Variants in TBC1D5 observed in about 807,000 individuals in gnomAD.
TBC1D5 encodes the protein TBC1 domain family member 5, also known as TBC1 domain family, member 5.
Under a neutral mutation model 100.3 loss-of-function variants are expected in TBC1D5, and 75 were observed. That is an observed-to-expected ratio of 0.75 (90% CI 0.62 to 0.91). The LOEUF (loss-of-function observed/expected upper bound fraction) is 0.91, where lower values mean the gene tolerates loss of function less well. TBC1D5 is among the 40% of genes least tolerant of loss of function. The pLI is 0.00. For missense variants in TBC1D5, 910 were observed against 942.4 expected, an observed-to-expected ratio of 0.97 and a Z score of 0.45; for synonymous variants, 323 against 325.6, an observed-to-expected ratio of 0.99 and a Z score of 0.09.
chr3:17,330,823 C>T, intron 13 of TBC1D5, among the ~76,000 whole-genome samples: 1 of 152,236 alleles, frequency 6.6e-6, no homozygotes, highest in South Asian at 2.1e-4. Context: ...ATCATTTTAT[C>T]CTCCAAATCT....
At chr3:17,376,500 A>G in intron 10 of TBC1D5, 25 bp downstream of exon 10, 1 of 1,576,254 alleles carries the variant, frequency 6.3e-7, no homozygotes, top group East Asian at 2.2e-5. Flanking sequence ...AAACAAATGG[A>G]GCTCATATTA....
intron 13 of TBC1D5, among the ~76,000 whole-genome samples, chr3:17,318,104 A>G (rs2084922692): frequency 6.6e-6 from 1 of 151,988 alleles, no homozygotes; most frequent in Non-Finnish European, 1.5e-5. Context: ...GGAAATCATC[A>G]TTCTCAGTAA....
intron 2 of TBC1D5, among the ~76,000 whole-genome samples, chr3:17,518,509 C>A (rs2096019973): frequency 6.6e-6 from 1 of 152,228 alleles, no homozygotes; most frequent in South Asian, 2.1e-4. Context: ...TACCTACCCA[C>A]CCCATCTCCT....
At chr3:17,470,703 T>C (rs1319372606) in intron 3 of TBC1D5, among the ~76,000 whole-genome samples, 1 of 152,022 alleles carries the variant, frequency 6.6e-6, no homozygotes, top group Non-Finnish European at 1.5e-5. Flanking sequence ...GGGTGAATCA[T>C]GAGGTCAAGA....
At chr3:17,160,884 C>A in exon 22 of TBC1D5, 1 of 1,506,840 alleles carries the variant, frequency 6.6e-7, no homozygotes, top group South Asian at 1.3e-5. Context: ...AGAAGGTTCT[C>A]CACTGGATGA....
intron 2 of TBC1D5, among the ~76,000 whole-genome samples, chr3:17,602,561 AT>A (rs33956978): frequency 0.022 from 1,636 of 74,416 alleles, 3 homozygotes; most frequent in African/African-American, 0.059. Context: ...AGAGAATCAG[AT>A]TTTTTTTTTT....
chr3:17,170,964 C>T (rs534508567), intron 19 of TBC1D5, among the ~76,000 whole-genome samples: 22 of 152,278 alleles, frequency 1.4e-4, no homozygotes, highest in African/African-American at 4.6e-4. Context: ...AGCACAATTT[C>T]GGCACACGTG....
chr3:17,196,193 A>G (rs2070665163), intron 18 of TBC1D5, among the ~76,000 whole-genome samples: 2 of 152,248 alleles, frequency 1.3e-5, no homozygotes. Context: ...TTTGCAGATT[A>G]CGTAGGACAC....
In TBC1D5 at chr3:17,233,728, A is replaced by G. The variant is rs996890392; in HGVS notation, c.1588+4435T>C. On this transcript the variant is annotated intron_variant, in intron 17 of 21. Transcript: ENST00000253692. ...TCTGGACAGGAACAGAAACCTGAGC[A>G]TCGCTTCCTGTAACTACATCGCCTG... is the stretch of plus-strand genomic sequence containing the variant. The G allele has an allele frequency of 1.9e-6, 3 of 1,546,192 alleles. No individual in the cohort carries two copies. The East Asian group carries it at 7.4e-5, about 38-fold the overall frequency.
chr3:17,593,524 T>C (rs539162426), intron 2 of TBC1D5, among the ~76,000 whole-genome samples: 4 of 152,292 alleles, frequency 2.6e-5, no homozygotes, highest in African/African-American at 7.2e-5. Flanking sequence ...TGTTCCACGA[T>C]GGAAAGGGCA....
chr3:17,609,172 C>T (rs2061517581), intron 2 of TBC1D5, among the ~76,000 whole-genome samples: 1 of 152,150 alleles, frequency 6.6e-6, no homozygotes, highest in South Asian at 2.1e-4. Flanking sequence ...TTGAAATTAT[C>T]ATTTAGTTAT....
At chr3:17,691,227 TC>T (rs2071103788) in intron 1 of TBC1D5, among the ~76,000 whole-genome samples, 1 of 152,150 alleles carries the variant, frequency 6.6e-6, no homozygotes. Context: ...AAGATCTCCC[TC>T]CTGTAACACC....
intron 1 of TBC1D5, among the ~76,000 whole-genome samples, chr3:17,711,508 T>A (rs899553514): frequency 6.6e-6 from 1 of 152,180 alleles, no homozygotes; most frequent in Admixed American, 6.5e-5. Context: ...TTTATCTTAA[T>A]CATACCCTTT....
intron 3 of TBC1D5, among the ~76,000 whole-genome samples, chr3:17,488,752 T>C (rs1047686165): frequency 6.6e-6 from 1 of 152,120 alleles, no homozygotes; most frequent in Non-Finnish European, 1.5e-5. Flanking sequence ...TTTTTACCTA[T>C]GCTTATCCTG....
chr3:17,542,181 T>C lies in TBC1D5; in HGVS notation c.-35-33576A>G, dbSNP rs2096365005. Among the ~76,000 whole-genome samples the C allele has an allele frequency of 2.0e-5, 3 of 152,144 alleles. No homozygotes were observed. In the South Asian group the frequency reaches 6.2e-4, roughly 32 times the overall value. ...GGCACACACTTGTAGTCTCAGCTAC[T>C]TGGGAAGCTCAGGCAGGGAGGATCA... On this transcript the variant is annotated intron_variant, in intron 2 of 21. Transcript: ENST00000253692.
intron 1 of TBC1D5, among the ~76,000 whole-genome samples, chr3:17,636,117 C>G (rs943900744): frequency 9.2e-5 from 14 of 151,830 alleles, no homozygotes; most frequent in African/African-American, 3.1e-4. Context: ...CGCTGGGACC[C>G]GGGAGGCAGA....
At chr3:17,346,996 CTG>C (rs1468001732) in intron 13 of TBC1D5, among the ~76,000 whole-genome samples, 3 of 152,168 alleles carry the variant, frequency 2.0e-5, no homozygotes, top group Non-Finnish European at 2.9e-5. Flanking sequence ...TTGCCAATTA[CTG>C]TGTTAGCTGA....
chr3:17,370,067 C>A (rs576232404), intron 13 of TBC1D5, among the ~76,000 whole-genome samples: 1 of 151,888 alleles, frequency 6.6e-6, no homozygotes, highest in African/African-American at 2.4e-5. Flanking sequence ...GGTCAAAATG[C>A]CAAAGAAATT....
At chr3:17,304,543 G>T (rs1365448373) in intron 14 of TBC1D5, among the ~76,000 whole-genome samples, 1 of 152,074 alleles carries the variant, frequency 6.6e-6, no homozygotes, top group Non-Finnish European at 1.5e-5. Context: ...GAGTAGCTAG[G>T]ACTACAGGCA....
Sources: gnomAD v4.1 joint callset for allele counts (sites outside exome capture counted in the v4.1 genomes callset) on GRCh38, gnomAD v4.1.1 for gene constraint, MANE v1.5 for transcripts, NCBI Gene and HGNC (gene_info 2026-07-23, HGNC 2026-07-21) for gene names.